The following SOCS6 variants were observed in gnomAD, a reference collection of about 807,000 sequenced individuals.
SOCS6 encodes the protein suppressor of cytokine signaling 6, also known as STAT induced STAT inhibitor-4.
Under a neutral mutation model 27.7 loss-of-function variants are expected in SOCS6, and 5 were observed. That is an observed-to-expected ratio of 0.18 (90% CI 0.09 to 0.38). The LOEUF is 0.38. Ranked by LOEUF, SOCS6 falls within the 10% of genes least tolerant of loss-of-function variation. SOCS6 has a pLI of 1.00. For missense variants in SOCS6, 595 were observed against 688.1 expected (o/e 0.86, Z 1.51); for synonymous variants, 271 against 260.0 (o/e 1.04, Z -0.41).
chr18:70,301,734 A>G (rs1023945384), intron 1 of SOCS6, among the ~76,000 whole-genome samples: 3 of 152,200 alleles, frequency 2.0e-5, no homozygotes, highest in Admixed American at 6.5e-5. Flanking sequence ...AGGGGACCAA[A>G]GTCTTGAGTG....
intron 1 of SOCS6, among the ~76,000 whole-genome samples, chr18:70,319,420 C>A (rs549451290): frequency 5.9e-5 from 9 of 152,092 alleles, no homozygotes; most frequent in African/African-American, 2.2e-4. Context: ...AAGCCTGTGG[C>A]TCTGGTCTGT....
At chr18:70,303,875 T>C (rs1192075906) in intron 1 of SOCS6, among the ~76,000 whole-genome samples, 3 of 152,232 alleles carry the variant, frequency 2.0e-5, no homozygotes, top group African/African-American at 7.2e-5. Flanking sequence ...ATTTGACTTT[T>C]GGAAAATCAT....
rs982699311 is a variant in SOCS6, at chr18:70,329,711, A to G, written c.*3435A>G. ...GTTCCGTAAATAACTTTAAAATTCT[A>G]AAAGTGTTGGTACACTAGCAATCAC... On this transcript the variant is annotated 3_prime_UTR_variant, in exon 2 of 2. Transcript: ENST00000397942. 2.4e-5 allele frequency: 4 copies of G among 167,108 alleles called. No homozygotes were observed. Among genetic ancestry groups the G allele is most frequent in the Non-Finnish European group, 4.4e-5 (3 of 68,122 alleles). 10.4% of individuals were successfully genotyped at this position (167,108 alleles called of 1,614,324 possible).
chr18:70,318,914 C>T (rs577667987), intron 1 of SOCS6, among the ~76,000 whole-genome samples: 16 of 150,646 alleles, frequency 1.1e-4, no homozygotes, highest in Non-Finnish European at 1.8e-4. Flanking sequence ...CCAGCCTGGG[C>T]GACGCGAGCA....
At position 70,329,142 on chromosome 18, in the gene SOCS6, C is replaced by T. The variant is rs990247326; in HGVS notation, c.*2866C>T. On this transcript the variant is annotated 3_prime_UTR_variant, in exon 2 of 2. Coordinates refer to ENST00000397942, the MANE Select transcript of SOCS6 (RefSeq NM_004232.4). ...TGCATTTTTATAAATAAGAAGAAGGCTGTAGAAAGTACTTGAAAAATATCT... is the reference window on the plus strand; with the variant it reads ...TGCATTTTTATAAATAAGAAGAAGGTTGTAGAAAGTACTTGAAAAATATCT... 1.2e-5 allele frequency: 2 copies of T among 167,016 alleles called. No individual in the cohort carries two copies. The highest frequency in any genetic ancestry group is 1.9e-4 in the East Asian group (1 of 5,208). 10.3% of individuals were successfully genotyped at this position (167,016 alleles called of 1,614,324 possible).
rs1377043482 is a variant in SOCS6 at position 70,325,351 on chromosome 18, A to T, written c.683A>T (p.Asp228Val). Residue 228 changes from aspartate (D) to valine (V), a missense_variant, in exon 2 of 2, where the codon GAT (aspartate) becomes GTT (valine). Around this residue, in one of 2 missense-constraint regions of SOCS6, gnomAD observed 467 missense variants for 481.1 expected, o/e 0.97. Coordinates refer to ENST00000397942, the MANE Select transcript of SOCS6 (RefSeq NM_004232.4). This position sits in a 1 kb window ranked among gnomAD's most constrained non-coding sequence, Gnocchi z 6.3. ...QDYIQYTVPL[D>V]EGMYPLEGSR... ...TACATTCAGTATACTGTGCCTTTAG[A>T]TGAGGGGATGTATCCTTTGGAAGGA... The T allele has an allele frequency of 6.2e-7, 1 of 1,614,136 alleles. No individual in the cohort carries two copies.
At chr18:70,318,496 A>G (rs148138865) in intron 1 of SOCS6, among the ~76,000 whole-genome samples, 1,812 of 152,298 alleles carry the variant, frequency 0.012, 18 homozygotes, top group South Asian at 0.027. Flanking sequence ...AGAAAATCGC[A>G]GGCACAGTGA....
At chr18:70,294,269 A>C (rs1322707004) in intron 1 of SOCS6, among the ~76,000 whole-genome samples, 1 of 152,054 alleles carries the variant, frequency 6.6e-6, no homozygotes, top group Non-Finnish European at 1.5e-5. Flanking sequence ...AGTAATTATT[A>C]CTATTAATTC....
chr18:70,324,036 G>C (rs1236070100), intron 1 of SOCS6, among the ~76,000 whole-genome samples: 1 of 152,106 alleles, frequency 6.6e-6, no homozygotes, highest in African/African-American at 2.4e-5. Context: ...GGGCATGGTA[G>C]CTCAGCCTGT....
At chr18:70,299,176 C>T (rs1286512111) in intron 1 of SOCS6, among the ~76,000 whole-genome samples, 5 of 152,042 alleles carry the variant, frequency 3.3e-5, no homozygotes, top group Non-Finnish European at 5.9e-5. Context: ...AGACCCTACC[C>T]AGAGTAAGTA....
chr18:70,318,942 AAAAAG>A (rs548926270), intron 1 of SOCS6, among the ~76,000 whole-genome samples: 18 of 152,322 alleles, frequency 1.2e-4, no homozygotes, highest in African/African-American at 2.6e-4. Flanking sequence ...GTCTCACAAA[AAAAAG>A]AAAAGAAAAG....
In SOCS6 at chr18:70,325,309, G is replaced by A; in HGVS notation, c.641G>A (p.Gly214Glu). The change falls in exon 2 of 2, where the codon GGA (glycine) becomes GAA (glutamate). Residue 214 changes from glycine to glutamate, a missense_variant. Physicochemically the swap from Gly to Glu is moderately conservative, Grantham distance 98. Coordinates refer to ENST00000397942, the MANE Select transcript of SOCS6 (RefSeq NM_004232.4). The surrounding 1 kb of genome is among the most constrained non-coding windows in gnomAD (Gnocchi z 6.3). ...HLDEHVPVVI[G>E]LMPQDYIQYT... The stretch of plus-strand genomic sequence containing the variant: ...GATGAACATGTGCCTGTCGTTATTG[G>A]ACTTATGCCTCAGGACTACATTCAG... 1 of 1,614,194 alleles carries A rather than the reference G, an allele frequency of 6.2e-7. No homozygotes were observed. The highest frequency in any genetic ancestry group is 8.5e-7 in the Non-Finnish European group (1 of 1,180,026).
intron 1 of SOCS6, among the ~76,000 whole-genome samples, chr18:70,319,555 A>G (rs1350956964): frequency 1.3e-5 from 2 of 151,312 alleles, no homozygotes; most frequent in South Asian, 2.1e-4. Context: ...CCAAACTGTA[A>G]TAGTAAATGT....
intron 1 of SOCS6, among the ~76,000 whole-genome samples, chr18:70,299,745 C>T (rs1157233699): frequency 6.6e-6 from 1 of 152,184 alleles, no homozygotes; most frequent in Non-Finnish European, 1.5e-5. Context: ...GATATAGGAA[C>T]TGTGCCAGGA....
At chr18:70,299,004 A>G (rs1369959515) in intron 1 of SOCS6, among the ~76,000 whole-genome samples, 2 of 152,132 alleles carry the variant, frequency 1.3e-5, no homozygotes, top group African/African-American at 4.8e-5. Flanking sequence ...ACATGCTGTA[A>G]TCCCAGCTAC....
Position 70,330,130 on chromosome 18 carries a change from AT to A in SOCS6, c.*3856del, listed in dbSNP as rs1165072785. 2 of 167,100 alleles carry A rather than the reference AT, an allele frequency of 1.2e-5. No individual in the cohort carries two copies. Among genetic ancestry groups the A allele is most frequent in the Non-Finnish European group, 2.9e-5 (2 of 68,124 alleles). The allele number at this position is 167,100 out of a possible 1,614,324, so 10.4% of individuals were successfully genotyped here. On this transcript the variant is annotated 3_prime_UTR_variant, in exon 2 of 2. Coordinates refer to ENST00000397942, the MANE Select transcript of SOCS6 (RefSeq NM_004232.4). Reference sequence around the variant, plus strand: ...AGTAATTTCTTGCACATTTTTGGAAATTAATTGTATAAGAATTTATGTATCT... The same window carrying A: ...AGTAATTTCTTGCACATTTTTGGAAATAATTGTATAAGAATTTATGTATCT...
chr18:70,321,777 CAGGT>C (rs1911003959), intron 1 of SOCS6, among the ~76,000 whole-genome samples: 1 of 152,074 alleles, frequency 6.6e-6, no homozygotes, highest in Non-Finnish European at 1.5e-5. Flanking sequence ...AGTAGAATGA[CAGGT>C]AGGACAGGTT....
chr18:70,301,205 A>C lies in SOCS6; in HGVS notation c.-127+12115A>C, dbSNP rs548339381. Among the ~76,000 whole-genome samples, 33 of 152,338 alleles carry C rather than the reference A, an allele frequency of 2.2e-4. No individual in the cohort carries two copies. In the South Asian group the frequency reaches 6.8e-3, roughly 32 times the overall value. ...TTATTACAGTAGTAGCCACAGTGTCAGCATCTGTCCCAGTTTGCTGAGACA... is the reference window on the plus strand; with the variant it reads ...TTATTACAGTAGTAGCCACAGTGTCCGCATCTGTCCCAGTTTGCTGAGACA... On this transcript the variant is annotated intron_variant, in intron 1 of 1. Coordinates refer to ENST00000397942, the MANE Select transcript of SOCS6 (RefSeq NM_004232.4).
At chr18:70,305,788 C>T (rs528933825) in intron 1 of SOCS6, among the ~76,000 whole-genome samples, 2 of 152,008 alleles carry the variant, frequency 1.3e-5, no homozygotes, top group African/African-American at 4.8e-5. Flanking sequence ...AAATTTATTC[C>T]TCAGTCATTT....
Sources: allele counts gnomAD v4.1 joint callset (sites outside exome capture counted in the v4.1 genomes callset), GRCh38; gene constraint gnomAD v4.1.1; regional missense constraint gnomAD v4.1.1; non-coding constraint Gnocchi (gnomAD v3.1); transcripts MANE v1.5; gene names NCBI Gene and HGNC (gene_info 2026-07-23, HGNC 2026-07-21).